Variants in DCC observed in about 807,000 individuals in gnomAD.
DCC encodes the protein netrin receptor DCC.
A neutral mutation model predicts 172.5 loss-of-function variants in DCC; 58 were observed. That is an observed-to-expected ratio of 0.34 (90% CI 0.27 to 0.42). The LOEUF (loss-of-function observed/expected upper bound fraction) is 0.42. DCC is among the 10% of genes least tolerant of loss of function. The pLI is 1.00. For synonymous variants in DCC, 709 were observed against 644.5 expected, an observed-to-expected ratio of 1.10 and a Z score of -1.52; for missense variants, 1,740 against 1,791.0, an observed-to-expected ratio of 0.97 and a Z score of 0.51.
chr18:53,377,552 C>T (rs745728115), intron 15 of DCC, among the ~76,000 whole-genome samples: 108 of 152,190 alleles, frequency 7.1e-4, no homozygotes, highest in Non-Finnish European at 1.4e-3. Context: ...GATTAAATTT[C>T]CAACGCATGA....
chr18:53,180,865 G>A (rs547742658), intron 9 of DCC, among the ~76,000 whole-genome samples: 27 of 151,982 alleles, frequency 1.8e-4, no homozygotes, highest in South Asian at 4.2e-4. Context: ...CCCCTGCCTC[G>A]GCCTCCCAAT....
At chr18:53,068,956 C>G (rs942324523) in intron 7 of DCC, among the ~76,000 whole-genome samples, 19 of 152,006 alleles carry the variant, frequency 1.2e-4, no homozygotes, top group African/African-American at 4.6e-4. Flanking sequence ...CTTAGAAATA[C>G]TTAATAGGGA....
rs191850055 is a variant in DCC at position 52,602,524 on chromosome 18, C to T, written c.92-149530C>T. 3.7e-3 allele frequency among the ~76,000 whole-genome samples: 557 copies of T among 151,744 alleles called. 3 individuals are homozygous for T. The highest frequency in any genetic ancestry group is 9.8e-3 in the South Asian group (47 of 4,804). On this transcript the variant is annotated intron_variant, in intron 1 of 28. Transcript: ENST00000442544. ...CCTGGTTCAGTATACACATTCTACC[C>T]GTCAAAAATAACTCATAAGTTTAAT...
intron 5 of DCC, among the ~76,000 whole-genome samples, chr18:52,945,416 T>A (rs1308718201): frequency 2.6e-5 from 4 of 152,208 alleles, no homozygotes; most frequent in Non-Finnish European, 5.9e-5. Context: ...TAAATTTGCA[T>A]AGTCGTTAGA....
At chr18:52,583,532 T>A (rs1381694076) in intron 1 of DCC, among the ~76,000 whole-genome samples, 1 of 152,220 alleles carries the variant, frequency 6.6e-6, no homozygotes, top group East Asian at 1.9e-4. Context: ...TTTATATCCA[T>A]CCTTTTCAAA....
chr18:52,907,239 A>AACATATATACATGATATG, intron 3 of DCC, among the ~76,000 whole-genome samples: 1 of 33,732 alleles, frequency 3.0e-5, no homozygotes. Context: ...CTTGATAGAT[A>AACATATATACATGATATG]TCATATATAC....
At chr18:53,257,703 T>C (rs1384658657) in intron 12 of DCC, among the ~76,000 whole-genome samples, 1 of 152,232 alleles carries the variant, frequency 6.6e-6, no homozygotes, top group Non-Finnish European at 1.5e-5. Flanking sequence ...CAGGCTTTGG[T>C]ATCAGGATGA....
At chr18:53,016,983 A>G (rs1051762312) in intron 5 of DCC, among the ~76,000 whole-genome samples, 5 of 152,030 alleles carry the variant, frequency 3.3e-5, no homozygotes, top group African/African-American at 1.2e-4. Context: ...GCGGCAGAGT[A>G]CTTTGAAAAG....
chr18:52,978,218 C>T (rs914541255), intron 5 of DCC, among the ~76,000 whole-genome samples: 8 of 151,192 alleles, frequency 5.3e-5, no homozygotes, highest in South Asian at 2.1e-4. Flanking sequence ...AAATATCACA[C>T]GAGAAAGACA....
chr18:53,284,808 G>C (rs77890168), intron 12 of DCC, among the ~76,000 whole-genome samples: 1 of 152,192 alleles, frequency 6.6e-6, no homozygotes, highest in African/African-American at 2.4e-5. Context: ...CCAAAATGCC[G>C]ATAATGACAT....
Position 52,515,585 on chromosome 18 carries a change from C to A in DCC, c.91+174707C>A, listed in dbSNP as rs71367279. Among the ~76,000 whole-genome samples the A allele has an allele frequency of 1.1e-4, 4 of 37,698 alleles. No homozygotes were observed. In the South Asian group the frequency reaches 3.0e-3, roughly 28 times the overall value. The allele number at this position is 37,698 out of a possible 152,430, so 24.7% of individuals were successfully genotyped here. ...TAGTGCCACTGCACTCCAGCCTGGG[C>A]GACAGAGCGAAACCCTGTCTCAAAA... is the stretch of plus-strand genomic sequence containing the variant. On this transcript the variant is annotated intron_variant, in intron 1 of 28. Coordinates refer to ENST00000442544, the MANE Select transcript of DCC (RefSeq NM_005215.4).
chr18:52,763,921 T>A (rs2145153263), intron 2 of DCC, among the ~76,000 whole-genome samples: 1 of 152,362 alleles, frequency 6.6e-6, no homozygotes, highest in Non-Finnish European at 1.5e-5. Context: ...TCCTGCATAA[T>A]ATTTCATGGT....
chr18:53,214,995 T>C (rs2055825234), intron 11 of DCC, among the ~76,000 whole-genome samples: 1 of 152,190 alleles, frequency 6.6e-6, no homozygotes, highest in African/African-American at 2.4e-5. Context: ...TCAAGTGCTA[T>C]TTGCAACCTG....
chr18:52,607,044 A>C (rs559715055), intron 1 of DCC, among the ~76,000 whole-genome samples: 14 of 152,122 alleles, frequency 9.2e-5, no homozygotes, highest in Non-Finnish European at 2.1e-4. Context: ...TATATTTGTC[A>C]GGATGGCCAG....
chr18:52,738,197 G>T (rs992871991), intron 1 of DCC, among the ~76,000 whole-genome samples: 1 of 152,032 alleles, frequency 6.6e-6, no homozygotes, highest in African/African-American at 2.4e-5. Flanking sequence ...TGATAAGCAT[G>T]GTTTTTATTG....
At chr18:53,009,036 C>G (rs547337828) in intron 5 of DCC, among the ~76,000 whole-genome samples, 9 of 151,974 alleles carry the variant, frequency 5.9e-5, no homozygotes, top group Non-Finnish European at 1.2e-4. Flanking sequence ...GTAGAATACT[C>G]TAATCATCAT....
chr18:52,505,308 T>G (rs1418632625), intron 1 of DCC, among the ~76,000 whole-genome samples: 2 of 152,090 alleles, frequency 1.3e-5, no homozygotes, highest in African/African-American at 4.8e-5. Context: ...ATCCCATGAG[T>G]TAATGAAGAT....
At chr18:53,196,142 A>G (rs1037612926) in intron 9 of DCC, among the ~76,000 whole-genome samples, 1 of 152,208 alleles carries the variant, frequency 6.6e-6, no homozygotes, top group Non-Finnish European at 1.5e-5. Flanking sequence ...GTGTACATGT[A>G]ACATTTAATA....
At chr18:53,303,496 G>A (rs1184017193) in intron 12 of DCC, among the ~76,000 whole-genome samples, 5 of 152,178 alleles carry the variant, frequency 3.3e-5, no homozygotes, top group Non-Finnish European at 5.9e-5. Flanking sequence ...TTAAAATGAA[G>A]TATGAAAAAG....
Sources: gnomAD v4.1 joint callset for allele counts (sites outside exome capture counted in the v4.1 genomes callset) on GRCh38, gnomAD v4.1.1 for gene constraint, MANE v1.5 for transcripts, NCBI Gene and HGNC (gene_info 2026-07-23, HGNC 2026-07-21) for gene names.